The following HTRA1 variants were observed in gnomAD, a reference collection of about 807,000 sequenced individuals.
HTRA1 encodes serine protease HTRA1.
A neutral mutation model predicts 49.7 loss-of-function variants in HTRA1; 26 were observed. The ratio of observed to expected loss-of-function variants is 0.52; its 90% CI spans 0.38 to 0.73. The LOEUF (loss-of-function observed/expected upper bound fraction) is 0.73. HTRA1 is among the 30% of genes least tolerant of loss of function. The probability of loss-of-function intolerance (pLI) is 0.00; values close to 1 mark genes in which losing one functional copy is unlikely to be tolerated. For missense variants in HTRA1, 561 were observed against 667.2 expected (o/e 0.84, Z 1.75); for synonymous variants, 291 against 286.9 (o/e 1.01, Z -0.14).
intron 3 of HTRA1, among the ~76,000 whole-genome samples, chr10:122,497,320 C>T (rs890749683): frequency 1.5e-4 from 23 of 152,152 alleles, no homozygotes; most frequent in African/African-American, 4.8e-4. Flanking sequence ...GCCCTTTGTT[C>T]ATTGACCATA....
At chr10:122,484,303 G>A (rs529663820) in intron 1 of HTRA1, among the ~76,000 whole-genome samples, 1 of 152,310 alleles carries the variant, frequency 6.6e-6, no homozygotes, top group South Asian at 2.1e-4. Context: ...TGCAGTTCAG[G>A]CTAGGTTATC....
chr10:122,489,738 T>C, intron 3 of HTRA1, 112 bp downstream of exon 3: 1 of 978,036 alleles, frequency 1.0e-6, no homozygotes, highest in Non-Finnish European at 1.6e-6. Flanking sequence ...CTGAAGCCAG[T>C]CTGAGCCAGT....
intron 1 of HTRA1, among the ~76,000 whole-genome samples, chr10:122,469,488 T>C (rs1194396415): frequency 6.6e-6 from 1 of 152,232 alleles, no homozygotes; most frequent in African/African-American, 2.4e-5. Flanking sequence ...CATCTGCTTT[T>C]CTGTGGCACA....
intron 1 of HTRA1, among the ~76,000 whole-genome samples, chr10:122,467,392 A>G (rs1454816490): frequency 6.6e-6 from 1 of 152,118 alleles, no homozygotes; most frequent in East Asian, 1.9e-4. Context: ...TTGATCTCTG[A>G]GGCTCCTTTT....
At chr10:122,496,225 G>GTTTTGTTTTTTTTTTTTTTTTTTT (rs1287521208) in intron 3 of HTRA1, among the ~76,000 whole-genome samples, 3 of 80,384 alleles carry the variant, frequency 3.7e-5, no homozygotes, top group African/African-American at 1.5e-4. Context: ...GAGATTGTGG[G>GTTTTGTTTTTTTTTTTTTTTTTTT]TTCTTTTTTT....
chr10:122,475,985 A>C (rs1038208123), intron 1 of HTRA1, among the ~76,000 whole-genome samples: 1 of 152,146 alleles, frequency 6.6e-6, no homozygotes, highest in Non-Finnish European at 1.5e-5. Flanking sequence ...GAAAGAAATG[A>C]GTGTTGTGGG....
intron 3 of HTRA1, among the ~76,000 whole-genome samples, chr10:122,500,377 T>G (rs1293830533): frequency 6.6e-6 from 1 of 152,246 alleles, no homozygotes; most frequent in Non-Finnish European, 1.5e-5. Flanking sequence ...ATGGATTTTT[T>G]GGAAAGCAAC....
At chr10:122,496,228 C>CTTTTTTTTTTTTTTTTT (rs71026021) in intron 3 of HTRA1, among the ~76,000 whole-genome samples, 1 of 75,646 alleles carries the variant, frequency 1.3e-5, no homozygotes, top group African/African-American at 5.4e-5. Context: ...ATTGTGGGTT[C>CTTTTTTTTTTTTTTTTT]TTTTTTTTTT....
intron 3 of HTRA1, among the ~76,000 whole-genome samples, chr10:122,492,260 T>G (rs1355452747): frequency 6.6e-6 from 1 of 152,218 alleles, no homozygotes; most frequent in African/African-American, 2.4e-5. Context: ...GCTTATCATC[T>G]GGGCCCAGCT....
chr10:122,505,895 C>T (rs1447183435), intron 3 of HTRA1, among the ~76,000 whole-genome samples: 1 of 152,230 alleles, frequency 6.6e-6, no homozygotes, highest in Non-Finnish European at 1.5e-5. Context: ...CCCCCCAGCT[C>T]CTTGGCCTGG....
chr10:122,493,490 T>G (rs2097496888), intron 3 of HTRA1, among the ~76,000 whole-genome samples: 1 of 152,196 alleles, frequency 6.6e-6, no homozygotes, highest in African/African-American at 2.4e-5. Context: ...TGGTGGCATT[T>G]TGTCCCTGCG....
At chr10:122,511,596 G>C (rs1327005838) in intron 7 of HTRA1, among the ~76,000 whole-genome samples, 1 of 152,068 alleles carries the variant, frequency 6.6e-6, no homozygotes, top group East Asian at 1.9e-4. Flanking sequence ...AGCCGGGCTT[G>C]GTGGCAGGCA....
chr10:122,510,227 C>A, intron 7 of HTRA1, 74 bp downstream of exon 7: 1 of 1,227,706 alleles, frequency 8.1e-7, no homozygotes, highest in South Asian at 1.2e-5. Flanking sequence ...CACGGGCACC[C>A]CTGAAAGAGA....
chr10:122,504,601 T>C (rs2097502299), intron 3 of HTRA1, among the ~76,000 whole-genome samples: 1 of 152,152 alleles, frequency 6.6e-6, no homozygotes, highest in Admixed American at 6.5e-5. Flanking sequence ...CCTGAAGGCC[T>C]CAAAGGCCTG....
chr10:122,488,779 G>C (rs914912059), intron 1 of HTRA1, 123 bp from the exon 2 acceptor site: 6 of 833,158 alleles, frequency 7.2e-6, no homozygotes, highest in Non-Finnish European at 1.3e-5. Context: ...GGGGAATTGC[G>C]CTCACTCCGC....
chr10:122,466,313 C>T (rs924141821), intron 1 of HTRA1, among the ~76,000 whole-genome samples: 6 of 152,072 alleles, frequency 3.9e-5, no homozygotes, highest in Non-Finnish European at 8.8e-5. Flanking sequence ...CTACAGGCAC[C>T]CGCCACCACG....
intron 1 of HTRA1, among the ~76,000 whole-genome samples, chr10:122,470,312 G>A (rs180899225): frequency 1.4e-3 from 219 of 152,268 alleles, no homozygotes; most frequent in South Asian, 0.014. Flanking sequence ...CTACAACAGG[G>A]GGACAATGAT....
Position 122,512,011 on chromosome 10 carries a change from A to G in HTRA1, c.1220A>G (p.Asp407Gly), listed in dbSNP as rs1256257652. 2 of 1,614,056 alleles carry G rather than the reference A, an allele frequency of 1.2e-6. No homozygotes were observed. Among genetic ancestry groups the G allele is most frequent in the Non-Finnish European group, 1.7e-6 (2 of 1,179,964 alleles). The change falls in exon 8 of 9, where the codon GAC becomes GGC. Residue 407 changes from aspartate to glycine, a missense_variant. Asp to Gly is a moderately conservative substitution (Grantham distance 94, BLOSUM62 -1). Transcript: ENST00000368984. ...ELKDRHRDFP[D>G]VISGAYIIEV... is the part of the protein sequence containing the mutation. ...AAGGACCGGCACCGGGACTTCCCAG[A>G]CGTGATCTCAGGAGCGTATATAATT...
chr10:122,486,042 C>T (rs1321932832), intron 1 of HTRA1, among the ~76,000 whole-genome samples: 1 of 152,158 alleles, frequency 6.6e-6, no homozygotes, highest in Non-Finnish European at 1.5e-5. Flanking sequence ...GGGGGACACA[C>T]CAATTATTTG....
Sources: gnomAD v4.1 joint callset for allele counts (sites outside exome capture counted in the v4.1 genomes callset) on GRCh38, gnomAD v4.1.1 for gene constraint, MANE v1.5 for transcripts, NCBI Gene and HGNC (gene_info 2026-07-23, HGNC 2026-07-21) for gene names.